ATRNL1: variants seen among roughly 807,000 people sequenced by gnomAD.
The protein encoded by ATRNL1 is attractin like 1.
ATRNL1 carries 95 observed loss-of-function variants against 182.7 expected under a neutral mutation model. That is an observed-to-expected ratio of 0.52 (90% CI 0.44 to 0.62). The LOEUF is 0.62. ATRNL1 is among the 20% of genes least tolerant of loss of function. The probability of loss-of-function intolerance (pLI) is 0.00; values close to 1 mark genes in which losing one functional copy is unlikely to be tolerated. For synonymous variants in ATRNL1, 576 were observed against 568.3 expected (o/e 1.01, Z -0.19); for missense variants, 1,471 against 1,679.5 (o/e 0.88, Z 2.17).
intron 24 of ATRNL1, among the ~76,000 whole-genome samples, chr10:115,484,275 T>A (rs1173719477): frequency 6.6e-6 from 1 of 151,630 alleles, no homozygotes; most frequent in Non-Finnish European, 1.5e-5. Flanking sequence ...TATCATATTT[T>A]GAATAATCTT....
chr10:115,347,839 A>G (rs116726443), intron 19 of ATRNL1, among the ~76,000 whole-genome samples: 1,961 of 152,158 alleles, frequency 0.013, 36 homozygotes, highest in African/African-American at 0.044. Flanking sequence ...TATGTATACT[A>G]TATATATATG....
At chr10:115,306,451 T>C (rs555513401) in intron 17 of ATRNL1, among the ~76,000 whole-genome samples, 31 of 152,172 alleles carry the variant, frequency 2.0e-4, no homozygotes, top group Non-Finnish European at 3.5e-4. Context: ...TTCTTTCTTG[T>C]TGGCATTCTA....
intron 19 of ATRNL1, among the ~76,000 whole-genome samples, chr10:115,360,413 T>C (rs1006018112): frequency 6.6e-6 from 1 of 151,820 alleles, no homozygotes. Flanking sequence ...TTCATGGCTT[T>C]CAGTTAAACA....
chr10:115,365,717 T>G (rs1857000417), intron 19 of ATRNL1, among the ~76,000 whole-genome samples: 1 of 151,992 alleles, frequency 6.6e-6, no homozygotes, highest in Non-Finnish European at 1.5e-5. Context: ...TCTGGTATGT[T>G]GTGTCTTTGT....
At position 115,315,677 on chromosome 10, in the gene ATRNL1, T is replaced by G; in HGVS notation, c.2978T>G (p.Leu993Arg). The part of the protein sequence containing the change: ...LIGMHHSEMV[L>R]DTNLCPKEKN... ...GGAATGCACCACAGTGAGATGGTTC[T>G]TGACACCAATCTTTGCCCCAAAGAA... The change falls in exon 18 of 29, where the codon CTT becomes CGT. Residue 993 changes from leucine to arginine, a missense_variant. Coordinates refer to ENST00000355044, the MANE Select transcript of ATRNL1 (RefSeq NM_207303.4). 1 of 1,613,904 alleles carries G rather than the reference T, an allele frequency of 6.2e-7. No individual in the cohort carries two copies. Among genetic ancestry groups the G allele is most frequent in the South Asian group, 1.1e-5 (1 of 91,070 alleles).
At chr10:115,418,218 A>G (rs1204481918) in intron 20 of ATRNL1, among the ~76,000 whole-genome samples, 1 of 152,252 alleles carries the variant, frequency 6.6e-6, no homozygotes, top group Non-Finnish European at 1.5e-5. Context: ...TACATGAACA[A>G]AACTTAAGAG....
chr10:115,306,916 C>T (rs145695544), intron 17 of ATRNL1, among the ~76,000 whole-genome samples: 94 of 152,208 alleles, frequency 6.2e-4, no homozygotes, highest in African/African-American at 2.1e-3. Context: ...TATTTTAACA[C>T]AGGTATGAAT....
chr10:115,672,234 C>G (rs1945718954), intron 26 of ATRNL1, among the ~76,000 whole-genome samples: 1 of 151,994 alleles, frequency 6.6e-6, no homozygotes, highest in African/African-American at 2.4e-5. Context: ...ATGTTGATAG[C>G]CTCATTTTTA....
intron 26 of ATRNL1, among the ~76,000 whole-genome samples, chr10:115,630,997 T>C (rs1374125350): frequency 3.3e-5 from 5 of 151,628 alleles, no homozygotes; most frequent in East Asian, 3.9e-4. Flanking sequence ...AGGATCTTAC[T>C]TATATGTGGA....
chr10:115,761,878 C>T (rs1555073706), intron 27 of ATRNL1, among the ~76,000 whole-genome samples: 1 of 152,036 alleles, frequency 6.6e-6, no homozygotes, highest in Non-Finnish European at 1.5e-5. Context: ...AGGATACTAC[C>T]CAAAACAAAG....
chr10:115,596,558 G>T (rs74158398), intron 26 of ATRNL1, among the ~76,000 whole-genome samples: 3,060 of 152,254 alleles, frequency 0.02, 98 homozygotes, highest in African/African-American at 0.069. Context: ...AGATCTTTGT[G>T]CTTTTATCTT....
intron 18 of ATRNL1, among the ~76,000 whole-genome samples, chr10:115,328,520 C>G (rs1855037778): frequency 6.6e-6 from 1 of 152,102 alleles, no homozygotes; most frequent in African/African-American, 2.4e-5. Flanking sequence ...TCTATTGCAT[C>G]ATAGGTATTC....
intron 28 of ATRNL1, among the ~76,000 whole-genome samples, chr10:115,865,840 A>G (rs77670768): frequency 0.054 from 8,165 of 152,114 alleles, 719 homozygotes; most frequent in African/African-American, 0.19. Context: ...TCTTATGGAC[A>G]CTTCTGTGCT....
chr10:115,414,078 A>G lies in ATRNL1; in HGVS notation c.3270-12172A>G, dbSNP rs142004345. ...CGGCTCAGTATTTGTTCCTTCTTCT[A>G]CAGTAAATGAACACTGACTTCCAAT... On this transcript the variant is annotated intron_variant, in intron 20 of 28. Transcript: ENST00000355044. Among the ~76,000 whole-genome samples the G allele has an allele frequency of 1.4e-3, 206 of 152,188 alleles. 1 individual carries two copies. The highest frequency in any genetic ancestry group is 4.8e-3 in the African/African-American group (200 of 41,542).
chr10:115,796,182 C>A (rs1185729260), intron 27 of ATRNL1, among the ~76,000 whole-genome samples: 1 of 151,912 alleles, frequency 6.6e-6, no homozygotes, highest in African/African-American at 2.4e-5. Context: ...GAGATGCCGT[C>A]ATCACCCTGC....
intron 27 of ATRNL1, among the ~76,000 whole-genome samples, chr10:115,816,879 T>C (rs2134271335): frequency 6.6e-6 from 1 of 152,270 alleles, no homozygotes; most frequent in Admixed American, 6.5e-5. Context: ...AATAGAATCA[T>C]GTCTGGAGCT....
At chr10:115,533,697 G>A (rs1554989217) in intron 25 of ATRNL1, among the ~76,000 whole-genome samples, 1 of 149,934 alleles carries the variant, frequency 6.7e-6, no homozygotes, top group East Asian at 2.0e-4. Context: ...TGTGATGTTA[G>A]GGTGTCAATT....
At chr10:115,433,807 AGT>A (rs1406847321) in intron 21 of ATRNL1, among the ~76,000 whole-genome samples, 1 of 152,196 alleles carries the variant, frequency 6.6e-6, no homozygotes, top group African/African-American at 2.4e-5. Context: ...TTACAATAAA[AGT>A]GTTACATTAT....
intron 19 of ATRNL1, among the ~76,000 whole-genome samples, chr10:115,373,104 C>G (rs1554948545): frequency 2.6e-5 from 4 of 151,790 alleles, no homozygotes; most frequent in African/African-American, 9.7e-5. Context: ...AAATTTATTC[C>G]TAAGTATTTT....
Sources: gnomAD v4.1 joint callset for allele counts (sites outside exome capture counted in the v4.1 genomes callset) on GRCh38, gnomAD v4.1.1 for gene constraint, MANE v1.5 for transcripts, NCBI Gene and HGNC (gene_info 2026-07-23, HGNC 2026-07-21) for gene names.